Variants in INSIG1 observed in about 807,000 individuals in gnomAD.
INSIG1 encodes insulin-induced gene 1 protein.
INSIG1 carries 14 observed loss-of-function variants against 26.5 expected under a neutral mutation model. The ratio of observed to expected loss-of-function variants is 0.53; its 90% confidence interval spans 0.35 to 0.83. INSIG1 has a LOEUF of 0.83. Among genes scored for constraint, INSIG1 ranks in the 40% least tolerant of loss-of-function variants. The pLI, the probability that INSIG1 is intolerant of heterozygous loss-of-function variation, is 0.01. For missense variants in INSIG1, 272 were observed against 368.9 expected (o/e 0.74, Z 2.15); for synonymous variants, 147 against 153.3 (o/e 0.96, Z 0.30).
At chr7:155,298,178 C>G (rs1433445040) in intron 1 of INSIG1, 81 bp from the exon 2 acceptor site, 4 of 1,219,002 alleles carry the variant, frequency 3.3e-6, no homozygotes, top group Non-Finnish European at 4.3e-6. Flanking sequence ...CCGCCTGGCC[C>G]GGGTGCCGGG....
At chr7:155,304,927 G>A (rs1284461037) in intron 5 of INSIG1, among the ~76,000 whole-genome samples, 2 of 150,268 alleles carry the variant, frequency 1.3e-5, no homozygotes, top group Non-Finnish European at 3.0e-5. Flanking sequence ...CACGAGGTCA[G>A]GAGATCGAGA....
Position 155,298,314 on chromosome 7 carries a change from G to T in INSIG1, c.29G>T (p.Ser10Ile). 6.6e-7 allele frequency: 1 copy of T among 1,507,386 alleles called. No individual in the cohort carries two copies. The highest frequency in any genetic ancestry group is 8.8e-7 in the Non-Finnish European group (1 of 1,136,582). 93.4% of individuals were successfully genotyped at this position (1,507,386 alleles called of 1,614,324 possible). Residue 10 changes from serine to isoleucine, a missense_variant, in exon 2 of 6, where the codon AGC (serine) becomes ATC (isoleucine). Ser to Ile is a moderately radical substitution (Grantham distance 142, BLOSUM62 -2). Around this residue, in one of 2 missense-constraint regions of INSIG1, gnomAD observed 161 missense variants for 179.2 expected, o/e 0.90. Transcript: ENST00000340368. MPRLHDHFW[S>I]CSCAHSARRR... Reference sequence around the variant, plus strand: ...CCCAGATTGCACGACCACTTCTGGAGCTGCTCCTGTGCGCACAGCGCGAGG... The same window carrying T: ...CCCAGATTGCACGACCACTTCTGGATCTGCTCCTGTGCGCACAGCGCGAGG...
chr7:155,298,722 G>A (rs1001631094), intron 2 of INSIG1, 25 bp downstream of exon 2: 2 of 1,591,508 alleles, frequency 1.3e-6, no homozygotes, highest in Non-Finnish European at 1.7e-6. Context: ...TGGTTCTTCT[G>A]GAAGTAAAAA....
rs1798031088 is a variant in INSIG1 at position 155,309,650 on chromosome 7, T to TCCTCTAA, written c.*1380_*1381insCCTCTAA. On this transcript the variant is annotated 3_prime_UTR_variant, in exon 6 of 6. Transcript: ENST00000340368. ...AGCAGAATGGAAGCTTAGAGGAACT[T>TCCTCTAA]GCCTGTGAGCGCTGGTCTTTGTGTT... 1 of 152,228 alleles carries TCCTCTAA rather than the reference T, an allele frequency of 6.6e-6. No individual in the cohort carries two copies. Among genetic ancestry groups the TCCTCTAA allele is most frequent in the Non-Finnish European group, 1.5e-5 (1 of 68,040 alleles). The allele number at this position is 152,228 out of a possible 1,614,324, so 9.4% of individuals were successfully genotyped here.
rs1798032042 is a variant in INSIG1 at position 155,309,671 on chromosome 7, G to C, written c.*1401G>C. On this transcript the variant is annotated 3_prime_UTR_variant, in exon 6 of 6. Coordinates refer to ENST00000340368, the MANE Select transcript of INSIG1 (RefSeq NM_005542.6). ...AACTTGCCTGTGAGCGCTGGTCTTT[G>C]TGTTTGGTTTTGTGATGTAACGATC... 1 of 152,168 alleles carries C rather than the reference G, an allele frequency of 6.6e-6. No homozygotes were observed. The highest frequency in any genetic ancestry group is 2.1e-4 in the South Asian group (1 of 4,832). The allele number at this position is 152,168 out of a possible 1,614,324, so 9.4% of individuals were successfully genotyped here.
At chr7:155,307,132 C>A (rs1289818742) in intron 5 of INSIG1, among the ~76,000 whole-genome samples, 1 of 152,228 alleles carries the variant, frequency 6.6e-6, no homozygotes, top group Non-Finnish European at 1.5e-5. Context: ...TTGTATAGAA[C>A]CCTCCCAGTG....
At chr7:155,301,996 A>G (rs993152751) in intron 3 of INSIG1, among the ~76,000 whole-genome samples, 3 of 148,794 alleles carry the variant, frequency 2.0e-5, no homozygotes, top group Non-Finnish European at 4.4e-5. Context: ...TAAGCACTTT[A>G]TATATAGCTT....
rs189798439 is a variant in INSIG1, at chr7:155,297,925, T to C, written c.-62T>C. On this transcript the variant is annotated 5_prime_UTR_variant, in exon 1 of 6. Transcript: ENST00000340368. ...CCTCCTTTCCCCCGCCCCGCCTCCG[T>C]TCGGAGAGCCGGCGGGCGGGCGCCT... 9.5e-3 allele frequency: 1,630 copies of C among 172,226 alleles called. 25 individuals are homozygous for C. The highest frequency in any genetic ancestry group is 0.035 in the African/African-American group (1,461 of 42,242). The allele number at this position is 172,226 out of a possible 1,614,324, so 10.7% of individuals were successfully genotyped here.
chr7:155,298,067 G>A, intron 1 of INSIG1, 108 bp downstream of exon 1: 1 of 413,120 alleles, frequency 2.4e-6, no homozygotes, highest in Non-Finnish European at 4.2e-6. Context: ...TGGGACGCGG[G>A]TCCCGCTGGG....
chr7:155,303,542 G>A (rs73178614), intron 5 of INSIG1, among the ~76,000 whole-genome samples: 29,459 of 152,164 alleles, frequency 0.19, 3,416 homozygotes, highest in Middle Eastern at 0.28. Context: ...GTGCTACCCC[G>A]CAGAGCTTCT....
Position 155,298,346 on chromosome 7 carries a change from G to T in INSIG1, c.61G>T (p.Gly21Cys). Residue 21 changes from glycine to cysteine, a missense_variant, in exon 2 of 6, where the codon GGC becomes TGC. By Grantham distance (159) the Gly-to-Cys change is radical (BLOSUM62 -3). This residue lies in a region of INSIG1 where 161 missense variants were observed against 179.2 expected (regional missense o/e 0.90). Transcript: ENST00000340368. The part of the protein sequence containing the change: ...CSCAHSARRR[G>C]PPRASAAGLA... ...CTGTGCGCACAGCGCGAGGCGCCGA[G>T]GCCCCCCGCGAGCCAGCGCCGCGGG... 6.6e-7 allele frequency: 1 copy of T among 1,509,894 alleles called. No individual in the cohort carries two copies. Among genetic ancestry groups the T allele is most frequent in the African/African-American group, 1.4e-5 (1 of 69,616 alleles). 93.5% of individuals were successfully genotyped at this position (1,509,894 alleles called of 1,614,324 possible).
chr7:155,308,709 C>A lies in INSIG1; in HGVS notation c.*439C>A. 6.4e-6 allele frequency: 1 copy of A among 155,184 alleles called. No individual in the cohort carries two copies. Among genetic ancestry groups the A allele is most frequent in the Non-Finnish European group, 1.4e-5 (1 of 70,046 alleles). 9.6% of individuals were successfully genotyped at this position (155,184 alleles called of 1,614,324 possible). On this transcript the variant is annotated 3_prime_UTR_variant, in exon 6 of 6. Transcript: ENST00000340368. ...TGGTGTAATAGGAATAATATTTATC[C>A]AAAAGATTTTTAAAAATAGGGCTGT...
chr7:155,301,940 A>AT (rs1554422637), intron 3 of INSIG1, among the ~76,000 whole-genome samples: 2 of 144,350 alleles, frequency 1.4e-5, no homozygotes, highest in African/African-American at 2.5e-5. Context: ...TATATTTTTA[A>AT]ATATATATAA....
At chr7:155,299,263 A>G (rs926380959) in intron 2 of INSIG1, among the ~76,000 whole-genome samples, 2 of 152,224 alleles carry the variant, frequency 1.3e-5, no homozygotes, top group African/African-American at 4.8e-5. Context: ...AGAGCTCTGT[A>G]GATTACGTTC....
rs142687202 is a variant in INSIG1, at chr7:155,302,387, C to T, written c.674C>T (p.Thr225Met). 5 of 1,607,344 alleles carry T rather than the reference C, an allele frequency of 3.1e-6. No homozygotes were observed. The highest frequency in any genetic ancestry group is 2.7e-5 in the African/African-American group (2 of 74,522). The change falls in exon 4 of 6, where the codon ACG becomes ATG. Residue 225 changes from threonine (T) to methionine (M), a missense_variant. Thr to Met is a moderately conservative substitution (Grantham distance 81, BLOSUM62 -1). Around this residue, in one of 2 missense-constraint regions of INSIG1, gnomAD observed 111 missense variants for 189.8 expected, o/e 0.58. Coordinates refer to ENST00000340368, the MANE Select transcript of INSIG1 (RefSeq NM_005542.6). The surrounding 1 kb of genome is among the most constrained non-coding windows in gnomAD (Gnocchi z 4.3). ...ATAGCTTTTCTAGCTACGCTGATCA[C>T]GCAGTTTCTCGTGTATAATGGTGTC... ...ITIAFLATLI[T>M]QFLVYNGVYQ...
At chr7:155,303,149 G>T in intron 5 of INSIG1, 1 of 267,692 alleles carries the variant, frequency 3.7e-6, no homozygotes, top group South Asian at 4.7e-5. Flanking sequence ...TAGAGAAAGT[G>T]ACTGGTGTGT....
At chr7:155,298,118 C>T (rs973739043) in intron 1 of INSIG1, 141 bp from the exon 2 acceptor site, 6 of 587,218 alleles carry the variant, frequency 1.0e-5, no homozygotes, top group African/African-American at 5.9e-5. Context: ...TCCCGTCCGC[C>T]GCTGGCCCCG....
chr7:155,304,075 C>T lies in INSIG1; in HGVS notation c.804+1229C>T, dbSNP rs566227121. On this transcript the variant is annotated intron_variant, in intron 5 of 5. Coordinates refer to ENST00000340368, the MANE Select transcript of INSIG1 (RefSeq NM_005542.6). ...AGCTCCCGGACTCAAGCAATCCTCC[C>T]GCTTCAGCGTCCCGAGTAGCTGGGA... 4.0e-5 allele frequency among the ~76,000 whole-genome samples: 6 copies of T among 150,838 alleles called. No homozygotes were observed. The South Asian group carries it at 6.3e-4, about 16-fold the overall frequency.
At chr7:155,301,371 CTT>C (rs887483921) in intron 2 of INSIG1, among the ~76,000 whole-genome samples, 193 bp from the exon 3 acceptor site, 2 of 151,968 alleles carry the variant, frequency 1.3e-5, no homozygotes, top group African/African-American at 4.8e-5. Context: ...TTTTAAAAAA[CTT>C]TTCCAAACAG....
Sources: allele counts gnomAD v4.1 joint callset (sites outside exome capture counted in the v4.1 genomes callset), GRCh38; gene constraint gnomAD v4.1.1; regional missense constraint gnomAD v4.1.1; non-coding constraint Gnocchi (gnomAD v3.1); transcripts MANE v1.5; gene names NCBI Gene and HGNC (gene_info 2026-07-23, HGNC 2026-07-21).